Variants in BNC2 observed in about 807,000 individuals in gnomAD.
BNC2 encodes the protein zinc finger protein basonuclin-2.
A neutral mutation model predicts 76.3 loss-of-function variants in BNC2; 20 were observed. The ratio of observed to expected loss-of-function variants is 0.26; its 90% confidence interval spans 0.18 to 0.38. The LOEUF is 0.38. Ranked by LOEUF, BNC2 falls within the 10% of genes least tolerant of loss-of-function variation. The pLI, the probability that BNC2 is intolerant of heterozygous loss-of-function variation, is 1.00. For synonymous variants in BNC2, 582 were observed against 514.8 expected (o/e 1.13, Z -1.77); for missense variants, 1,382 against 1,399.8 (o/e 0.99, Z 0.20).
intron 5 of BNC2, among the ~76,000 whole-genome samples, chr9:16,516,282 C>G (rs929988795): frequency 6.6e-6 from 1 of 151,644 alleles, no homozygotes; most frequent in African/African-American, 2.4e-5. Flanking sequence ...GTGTAGATAA[C>G]GTTCTTGTGA....
intron 1 of BNC2, among the ~76,000 whole-genome samples, chr9:16,827,960 G>A (rs1214190990): frequency 3.3e-5 from 5 of 152,170 alleles, no homozygotes; most frequent in Admixed American, 6.5e-5. Flanking sequence ...AAAGATGGCA[G>A]TGCTTTATAG....
intron 1 of BNC2, among the ~76,000 whole-genome samples, chr9:16,861,643 A>T (rs180885470): frequency 1.4e-4 from 22 of 152,314 alleles, no homozygotes; most frequent in Admixed American, 3.9e-4. Flanking sequence ...CACTAGTATG[A>T]TTCAAATAAA....
At chr9:16,420,276 A>T (rs1820683267) in intron 6 of BNC2, among the ~76,000 whole-genome samples, 1 of 152,228 alleles carries the variant, frequency 6.6e-6, no homozygotes, top group Non-Finnish European at 1.5e-5. Flanking sequence ...AAATAGGGTT[A>T]CAGACTGTCT....
chr9:16,792,013 G>C (rs749447047), intron 1 of BNC2, among the ~76,000 whole-genome samples: 1 of 150,382 alleles, frequency 6.6e-6, no homozygotes, highest in Non-Finnish European at 1.5e-5. Context: ...AAGGTGGAGG[G>C]ATCCCTTTAG....
chr9:16,819,475 C>A (rs1412198307), intron 1 of BNC2, among the ~76,000 whole-genome samples: 1 of 152,062 alleles, frequency 6.6e-6, no homozygotes, highest in Non-Finnish European at 1.5e-5. Flanking sequence ...CCAGCCTGGC[C>A]AACATGGTGA....
intron 1 of BNC2, among the ~76,000 whole-genome samples, chr9:16,776,582 A>C (rs1457290889): frequency 2.0e-5 from 3 of 152,232 alleles, no homozygotes; most frequent in African/African-American, 7.2e-5. Flanking sequence ...GAAATATCCC[A>C]ATTTAGAGCA....
rs567790139 is a variant in BNC2, at chr9:16,518,588, G to C, written c.669+33942C>G. ...GTCATATATATATATATTTTTTGTT[G>C]TTGTTGTTGTTGTTTGTTTGTTTTT... On this transcript the variant is annotated intron_variant, in intron 5 of 6. Transcript: ENST00000380672. Among the ~76,000 whole-genome samples the C allele has an allele frequency of 5.8e-4, 75 of 130,214 alleles. 1 individual carries two copies. The South Asian group carries it at 0.021, about 37-fold the overall frequency. The allele number at this position is 130,214 out of a possible 152,430, so 85.4% of individuals were successfully genotyped here.
chr9:16,719,892 C>G (rs1486129738), intron 3 of BNC2, among the ~76,000 whole-genome samples: 1 of 152,188 alleles, frequency 6.6e-6, no homozygotes, highest in African/African-American at 2.4e-5. Flanking sequence ...CTGCACTGCC[C>G]TTGGTATCTT....
chr9:16,524,121 T>C (rs570301373), intron 5 of BNC2, among the ~76,000 whole-genome samples: 1 of 148,504 alleles, frequency 6.7e-6, no homozygotes, highest in South Asian at 2.1e-4. Flanking sequence ...GAGAACACCA[T>C]GCATGGTAAA....
intron 5 of BNC2, among the ~76,000 whole-genome samples, chr9:16,469,117 G>C (rs1412925833): frequency 4.6e-5 from 7 of 152,126 alleles, no homozygotes; most frequent in Non-Finnish European, 1.0e-4. Context: ...AACAAACTAG[G>C]TACTGTATAT....
chr9:16,421,998 C>G (rs1193614123), intron 6 of BNC2, among the ~76,000 whole-genome samples: 1 of 152,190 alleles, frequency 6.6e-6, no homozygotes, highest in Non-Finnish European at 1.5e-5. Flanking sequence ...GAGAAAACAG[C>G]AGCCAGACAC....
chr9:16,537,269 G>C (rs912639515), intron 5 of BNC2, among the ~76,000 whole-genome samples: 12 of 152,084 alleles, frequency 7.9e-5, no homozygotes, highest in African/African-American at 2.9e-4. Flanking sequence ...CACTGTAAAA[G>C]TCTGGTGTTA....
At chr9:16,759,663 A>C (rs1825494525) in intron 1 of BNC2, among the ~76,000 whole-genome samples, 1 of 152,124 alleles carries the variant, frequency 6.6e-6, no homozygotes, top group Admixed American at 6.5e-5. Context: ...TTCTACAATC[A>C]CAACTGAAGG....
chr9:16,759,622 T>C (rs1825493366), intron 1 of BNC2, among the ~76,000 whole-genome samples: 1 of 152,232 alleles, frequency 6.6e-6, no homozygotes, highest in Non-Finnish European at 1.5e-5. Flanking sequence ...AATTCCATTT[T>C]ATTGGTATCT....
intron 1 of BNC2, among the ~76,000 whole-genome samples, chr9:16,742,365 T>C (rs763371904): frequency 7.9e-5 from 12 of 152,348 alleles, no homozygotes; most frequent in Admixed American, 5.9e-4. Flanking sequence ...AGAACTGCAA[T>C]TGTGGTCCAA....
chr9:16,590,721 T>C (rs1819904598), intron 3 of BNC2, among the ~76,000 whole-genome samples: 1 of 152,040 alleles, frequency 6.6e-6, no homozygotes, highest in African/African-American at 2.4e-5. Context: ...GCGGGAAGAC[T>C]GCTTGAGCCT....
chr9:16,613,954 T>C (rs1416961274), intron 3 of BNC2, among the ~76,000 whole-genome samples: 1 of 152,158 alleles, frequency 6.6e-6, no homozygotes, highest in African/African-American at 2.4e-5. Context: ...AAGAGGGAGA[T>C]GAGCAGTACC....
intron 4 of BNC2, among the ~76,000 whole-genome samples, chr9:16,553,494 T>C (rs1818727913): frequency 6.6e-6 from 1 of 152,170 alleles, no homozygotes; most frequent in Non-Finnish European, 1.5e-5. Context: ...GTCATAATTT[T>C]AAAAAGAAAG....
At chr9:16,443,057 ACT>A (rs1278348144) in intron 5 of BNC2, among the ~76,000 whole-genome samples, 1 of 139,690 alleles carries the variant, frequency 7.2e-6, no homozygotes, top group East Asian at 2.1e-4. Context: ...GCAGAGTGAG[ACT>A]CTGTCAAAAA....
Sources: allele counts gnomAD v4.1 joint callset (sites outside exome capture counted in the v4.1 genomes callset), GRCh38; gene constraint gnomAD v4.1.1; transcripts MANE v1.5; gene names NCBI Gene and HGNC (gene_info 2026-07-23, HGNC 2026-07-21).